The following MCC variants were observed in gnomAD, a reference collection of about 807,000 sequenced individuals.
The protein encoded by MCC is colorectal mutant cancer protein.
Under a neutral mutation model 116.2 loss-of-function variants are expected in MCC, and 90 were observed. The observed-to-expected ratio is 0.77, with a 90% confidence interval of 0.65 to 0.92. The LOEUF (loss-of-function observed/expected upper bound fraction) is 0.92, where lower values mean the gene tolerates loss of function less well. Among genes scored for constraint, MCC ranks in the 40% least tolerant of loss-of-function variants. The pLI, the probability that MCC is intolerant of heterozygous loss-of-function variation, is 0.00. For synonymous variants in MCC, 578 were observed against 510.5 expected, an observed-to-expected ratio of 1.13 and a Z score of -1.78; for missense variants, 1,516 against 1,312.2, an observed-to-expected ratio of 1.16 and a Z score of -2.40.
chr5:113,078,316 T>C (rs954587471), intron 11 of MCC, among the ~76,000 whole-genome samples: 2 of 152,200 alleles, frequency 1.3e-5, no homozygotes, highest in Non-Finnish European at 2.9e-5. Flanking sequence ...GAGGCCAGCA[T>C]CATCCTGATA....
rs187149222 is a variant in MCC, at chr5:113,237,720, T to C, written c.628-86298A>G. On this transcript the variant is annotated intron_variant, in intron 3 of 18. Transcript: ENST00000408903. ...AATGGAACTTCCTCATTGATTAGTC[T>C]CAGCTCCGCGATAATTTCTGACTGA... 5.4e-3 allele frequency among the ~76,000 whole-genome samples: 829 copies of C among 152,244 alleles called. 6 individuals carry two copies. The highest frequency in any genetic ancestry group is 7.1e-3 in the Non-Finnish European group (483 of 68,016).
chr5:113,198,566 T>C (rs1581241281), intron 3 of MCC, among the ~76,000 whole-genome samples: 1 of 148,324 alleles, frequency 6.7e-6, no homozygotes, highest in East Asian at 2.0e-4. Flanking sequence ...TAGCCGGGCA[T>C]GATGGCCTGC....
At chr5:113,233,629 CCTCT>C (rs978752713) in intron 3 of MCC, among the ~76,000 whole-genome samples, 89 of 152,102 alleles carry the variant, frequency 5.9e-4, no homozygotes, top group East Asian at 3.8e-4. Flanking sequence ...ACTTCTCTCT[CCTCT>C]CTCTCACTGT....
At chr5:113,176,371 A>G (rs987220522) in intron 3 of MCC, among the ~76,000 whole-genome samples, 2 of 152,246 alleles carry the variant, frequency 1.3e-5, no homozygotes, top group African/African-American at 4.8e-5. Context: ...GTTTAATTGA[A>G]AAGTTATCTC....
intron 5 of MCC, among the ~76,000 whole-genome samples, chr5:113,131,226 C>G (rs1758408971): frequency 6.6e-6 from 1 of 152,160 alleles, no homozygotes; most frequent in African/African-American, 2.4e-5. Context: ...GAAAAGATCT[C>G]ATGTTTAATT....
chr5:113,174,018 G>C (rs1258310311), intron 3 of MCC, among the ~76,000 whole-genome samples: 2 of 152,164 alleles, frequency 1.3e-5, no homozygotes, highest in African/African-American at 4.8e-5. Context: ...GGTAGATTAA[G>C]ATGAACCAAA....
chr5:113,257,002 G>T (rs560837036), intron 3 of MCC, among the ~76,000 whole-genome samples: 13 of 152,276 alleles, frequency 8.5e-5, no homozygotes, highest in Non-Finnish European at 1.6e-4. Flanking sequence ...GGTCTGGATG[G>T]TTACTAATCA....
At chr5:113,105,474 T>G (rs1431851705) in intron 6 of MCC, among the ~76,000 whole-genome samples, 2 of 152,192 alleles carry the variant, frequency 1.3e-5, no homozygotes, top group Non-Finnish European at 2.9e-5. Context: ...AGGCTTTCAC[T>G]CCAACCAATA....
chr5:113,423,189 C>G (rs1481891845), intron 1 of MCC, among the ~76,000 whole-genome samples: 3 of 152,090 alleles, frequency 2.0e-5, no homozygotes, highest in Non-Finnish European at 2.9e-5. Flanking sequence ...TACCTTCGTG[C>G]TTTTTGTTGA....
intron 1 of MCC, among the ~76,000 whole-genome samples, chr5:113,386,119 C>A (rs1769248980): frequency 6.6e-6 from 1 of 152,100 alleles, no homozygotes; most frequent in South Asian, 2.1e-4. Context: ...TGCTCATATT[C>A]CTCCAACTGC....
At chr5:113,255,818 G>A (rs1247682411) in intron 3 of MCC, among the ~76,000 whole-genome samples, 1 of 152,208 alleles carries the variant, frequency 6.6e-6, no homozygotes, top group African/African-American at 2.4e-5. Flanking sequence ...TAAAACAAGG[G>A]CAGAGAGTTT....
intron 17 of MCC, among the ~76,000 whole-genome samples, chr5:113,042,787 AT>A (rs1751808342): frequency 6.6e-6 from 1 of 151,516 alleles, no homozygotes. Flanking sequence ...TTAAAAAAAA[AT>A]TTCATTAATA....
chr5:113,105,854 A>G (rs1473218163), intron 6 of MCC, among the ~76,000 whole-genome samples: 1 of 152,194 alleles, frequency 6.6e-6, no homozygotes, highest in Non-Finnish European at 1.5e-5. Flanking sequence ...CAACATTCAT[A>G]TAAAGTCCCA....
intron 17 of MCC, among the ~76,000 whole-genome samples, chr5:113,029,388 G>A (rs947517082): frequency 4.7e-5 from 7 of 149,522 alleles, no homozygotes; most frequent in African/African-American, 1.2e-4. Flanking sequence ...CAATGAGTGC[G>A]GCCTGACCAC....
chr5:113,131,822 G>C (rs1758448538), intron 5 of MCC, among the ~76,000 whole-genome samples: 1 of 152,200 alleles, frequency 6.6e-6, no homozygotes, highest in African/African-American at 2.4e-5. Context: ...CTGAGAGGTA[G>C]TTCCCAGGCC....
At chr5:113,281,112 T>C (rs539939897) in intron 3 of MCC, among the ~76,000 whole-genome samples, 1 of 152,216 alleles carries the variant, frequency 6.6e-6, no homozygotes, top group Non-Finnish European at 1.5e-5. Context: ...TTTAAAAAAC[T>C]TCTTGCAAAT....
chr5:113,410,714 G>A (rs1045050215), intron 1 of MCC, among the ~76,000 whole-genome samples: 3 of 152,162 alleles, frequency 2.0e-5, no homozygotes, highest in Admixed American at 6.5e-5. Flanking sequence ...CCATTGAGAC[G>A]TCATTTACAT....
intron 3 of MCC, among the ~76,000 whole-genome samples, chr5:113,235,756 G>A (rs73244761): frequency 6.6e-6 from 1 of 152,338 alleles, no homozygotes; most frequent in African/African-American, 2.4e-5. Context: ...TTTCGGTTAA[G>A]AGATTTTCCC....
At chr5:113,143,689 A>T (rs1422628293) in intron 4 of MCC, among the ~76,000 whole-genome samples, 1 of 152,174 alleles carries the variant, frequency 6.6e-6, no homozygotes, top group Non-Finnish European at 1.5e-5. Flanking sequence ...TCCAAGCTAG[A>T]TCCATCAGAT....
Sources: gnomAD v4.1 joint callset for allele counts (sites outside exome capture counted in the v4.1 genomes callset) on GRCh38, gnomAD v4.1.1 for gene constraint, MANE v1.5 for transcripts, NCBI Gene and HGNC (gene_info 2026-07-23, HGNC 2026-07-21) for gene names.